HERPUD2: variants seen among roughly 807,000 people sequenced by gnomAD.
HERPUD2 encodes homocysteine-responsive endoplasmic reticulum-resident ubiquitin-like domain member 2 protein.
A neutral mutation model predicts 49.9 loss-of-function variants in HERPUD2; 13 were observed. That is an observed-to-expected ratio of 0.26 (90% confidence interval 0.17 to 0.41). The LOEUF is 0.41. Ranked by LOEUF, HERPUD2 falls within the 10% of genes least tolerant of loss-of-function variation. The pLI is 1.00. For missense variants in HERPUD2, 449 were observed against 492.2 expected, an observed-to-expected ratio of 0.91 and a Z score of 0.83; for synonymous variants, 172 against 171.4, an observed-to-expected ratio of 1.00 and a Z score of -0.03.
chr7:35,663,017 A>G (rs1436383414), intron 5 of HERPUD2, among the ~76,000 whole-genome samples: 1 of 152,112 alleles, frequency 6.6e-6, no homozygotes, highest in East Asian at 1.9e-4. Context: ...AGTGCTATAA[A>G]TTTCCCTCTA....
intron 5 of HERPUD2, among the ~76,000 whole-genome samples, chr7:35,655,899 G>T (rs924990708): frequency 2.6e-5 from 4 of 152,152 alleles, no homozygotes; most frequent in African/African-American, 9.7e-5. Context: ...GGTGGCTCAC[G>T]CCTGTAATCC....
rs1332198820 is a variant in HERPUD2 at position 35,634,373 on chromosome 7, T to C, written c.998A>G (p.Asn333Ser). Residue 333 changes from asparagine (N) to serine (S), a missense_variant, in exon 8 of 9, where the codon AAC becomes AGC. Coordinates refer to ENST00000311350, the MANE Select transcript of HERPUD2 (RefSeq NM_022373.5). ...ATCATTGTTAACTTCGGCATTATTG[T>C]TGGGAGCCTGCTGATGACCTCCTTC... ...RQEGGHQQAPNNNAEVNNDGQ... is the reference protein window; with the variant it reads ...RQEGGHQQAPSNNAEVNNDGQ... The C allele has an allele frequency of 3.7e-6, 6 of 1,613,976 alleles. No homozygotes were observed. In the African/African-American group the frequency reaches 5.3e-5, roughly 14 times the overall value.
At chr7:35,656,530 A>G (rs1029236914) in intron 5 of HERPUD2, among the ~76,000 whole-genome samples, 2 of 152,210 alleles carry the variant, frequency 1.3e-5, no homozygotes, top group African/African-American at 2.4e-5. Context: ...CAAAAGAACA[A>G]AGCTGGAGGC....
intron 5 of HERPUD2, among the ~76,000 whole-genome samples, chr7:35,641,431 T>A (rs1344997269): frequency 1.3e-5 from 2 of 152,230 alleles, no homozygotes; most frequent in African/African-American, 2.4e-5. Flanking sequence ...GCAATCCCTA[T>A]GAAACTACCA....
chr7:35,691,614 G>A (rs1463028163), intron 2 of HERPUD2, among the ~76,000 whole-genome samples: 1 of 152,194 alleles, frequency 6.6e-6, no homozygotes, highest in Non-Finnish European at 1.5e-5. Flanking sequence ...AGGCATATGT[G>A]CAAGGAAGAT....
intron 5 of HERPUD2, among the ~76,000 whole-genome samples, chr7:35,643,773 C>A (rs1407153336): frequency 2.0e-5 from 3 of 149,440 alleles, no homozygotes; most frequent in African/African-American, 4.9e-5. Flanking sequence ...GACACTGGAA[C>A]ACTAATAATG....
At chr7:35,682,101 GGT>G (rs1415328447) in intron 2 of HERPUD2, among the ~76,000 whole-genome samples, 19 of 151,942 alleles carry the variant, frequency 1.3e-4, no homozygotes, top group Middle Eastern at 6.8e-3. Flanking sequence ...ACAGTGGCAT[GGT>G]ATCAGCTCAC....
intron 2 of HERPUD2, among the ~76,000 whole-genome samples, chr7:35,675,376 T>A (rs1009553304): frequency 9.2e-5 from 14 of 152,220 alleles, no homozygotes; most frequent in Admixed American, 3.9e-4. Flanking sequence ...GCTAAATATA[T>A]AATCAATGAT....
intron 5 of HERPUD2, among the ~76,000 whole-genome samples, chr7:35,645,371 CAGG>C (rs1312531384): frequency 1.1e-4 from 17 of 152,050 alleles, no homozygotes; most frequent in African/African-American, 4.1e-4. Flanking sequence ...TGCTTGAGCC[CAGG>C]AGTTCAGGGA....
intron 2 of HERPUD2, among the ~76,000 whole-genome samples, chr7:35,683,713 T>C (rs1203102258): frequency 2.0e-5 from 3 of 150,826 alleles, no homozygotes; most frequent in Admixed American, 2.0e-4. Flanking sequence ...CTCAAACAAA[T>C]CAACAAGAAA....
intron 5 of HERPUD2, among the ~76,000 whole-genome samples, chr7:35,666,245 A>G (rs1044945218): frequency 6.6e-6 from 1 of 152,244 alleles, no homozygotes; most frequent in Middle Eastern, 3.2e-3. Flanking sequence ...CAGGTACTTT[A>G]TGAAAGTCTA....
chr7:35,663,495 A>C (rs1785473046), intron 5 of HERPUD2, among the ~76,000 whole-genome samples: 1 of 152,138 alleles, frequency 6.6e-6, no homozygotes, highest in Admixed American at 6.5e-5. Flanking sequence ...TAATGTTGAC[A>C]GTGGGGTGTT....
intron 5 of HERPUD2, among the ~76,000 whole-genome samples, chr7:35,664,176 A>G (rs1311407591): frequency 6.6e-6 from 1 of 152,178 alleles, no homozygotes; most frequent in Non-Finnish European, 1.5e-5. Context: ...TGAATATGAA[A>G]TTCTGGGTTG....
intron 5 of HERPUD2, among the ~76,000 whole-genome samples, chr7:35,653,466 C>T (rs998717357): frequency 6.6e-6 from 1 of 152,176 alleles, no homozygotes; most frequent in Non-Finnish European, 1.5e-5. Context: ...GAATCCAATA[C>T]AATAAGTGCT....
intron 5 of HERPUD2, among the ~76,000 whole-genome samples, chr7:35,646,985 CCAAG>C (rs1224953664): frequency 2.6e-5 from 3 of 113,914 alleles, no homozygotes; most frequent in Non-Finnish European, 6.5e-5. Context: ...GAAAAAAAAA[CCAAG>C]AAGGAGAAAG....
At chr7:35,688,084 T>C (rs1399307413) in intron 2 of HERPUD2, among the ~76,000 whole-genome samples, 8 of 152,200 alleles carry the variant, frequency 5.3e-5, no homozygotes, top group Admixed American at 1.3e-4. Context: ...CCTTTAAAAG[T>C]AGTAACTATT....
At chr7:35,681,580 C>T (rs1373104031) in intron 2 of HERPUD2, among the ~76,000 whole-genome samples, 1 of 152,114 alleles carries the variant, frequency 6.6e-6, no homozygotes, top group African/African-American at 2.4e-5. Context: ...ACCCAAATGT[C>T]TATCAGCTGA....
At chr7:35,638,865 T>C (rs953843462) in intron 5 of HERPUD2, among the ~76,000 whole-genome samples, 1 of 152,032 alleles carries the variant, frequency 6.6e-6, no homozygotes, top group Admixed American at 6.6e-5. Context: ...AATGGTGAAA[T>C]AGACAAATGA....
chr7:35,663,683 G>C (rs36137710), intron 5 of HERPUD2, among the ~76,000 whole-genome samples: 28,656 of 151,938 alleles, frequency 0.19, 3,185 homozygotes, highest in African/African-American at 0.31. Flanking sequence ...TTGATCTGTT[G>C]GTTTAAAGTC....
Sources: gnomAD v4.1 joint callset for allele counts (sites outside exome capture counted in the v4.1 genomes callset) on GRCh38, gnomAD v4.1.1 for gene constraint, MANE v1.5 for transcripts, NCBI Gene and HGNC (gene_info 2026-07-23, HGNC 2026-07-21) for gene names.